The following TFPI variants were observed in gnomAD, a reference collection of about 807,000 sequenced individuals.
TFPI encodes anti-convertin.
TFPI carries 15 observed loss-of-function variants against 34.6 expected under a neutral mutation model. That is an observed-to-expected ratio of 0.43 (90% CI 0.29 to 0.67). TFPI has a LOEUF of 0.67. Ranked by LOEUF, TFPI falls within the 30% of genes least tolerant of loss-of-function variation. TFPI has a pLI of 0.15. For synonymous variants in TFPI, 105 were observed against 120.1 expected (o/e 0.87, Z 0.82); for missense variants, 301 against 364.0 (o/e 0.83, Z 1.41).
chr2:187,518,957 T>A (rs370877070), intron 1 of TFPI: 18 of 152,368 alleles, frequency 1.2e-4, no homozygotes, highest in African/African-American at 4.1e-4. Context: ...TTGTGTATGC[T>A]TCACGAAGTT....
chr2:187,528,016 TAATA>T (rs1687766016), intron 1 of TFPI, among the ~76,000 whole-genome samples: 1 of 152,110 alleles, frequency 6.6e-6, no homozygotes, highest in South Asian at 2.1e-4. Flanking sequence ...CAGGAAAATA[TAATA>T]AATAAATATA....
intron 1 of TFPI, chr2:187,514,312 T>C (rs1686845210): frequency 2.6e-5 from 4 of 152,236 alleles, no homozygotes; most frequent in African/African-American, 4.8e-5. Context: ...GAGGCCCAGA[T>C]TGTCCCCTTT....
At chr2:187,531,405 T>C (rs1190835555) in intron 1 of TFPI, among the ~76,000 whole-genome samples, 4 of 152,212 alleles carry the variant, frequency 2.6e-5, no homozygotes, top group African/African-American at 7.2e-5. Flanking sequence ...ATGTGATGTA[T>C]TTTATCAGCA....
At chr2:187,490,468 AC>A (rs1685042444) in intron 3 of TFPI, among the ~76,000 whole-genome samples, 1 of 151,146 alleles carries the variant, frequency 6.6e-6, no homozygotes, top group Non-Finnish European at 1.5e-5. Flanking sequence ...TTATTAATGG[AC>A]CCCCATTATA....
intron 2 of TFPI, among the ~76,000 whole-genome samples, chr2:187,502,707 C>G (rs908471552): frequency 6.6e-6 from 1 of 152,056 alleles, no homozygotes; most frequent in Non-Finnish European, 1.5e-5. Context: ...CTACTTTATA[C>G]GGAAATAAAC....
intron 6 of TFPI, among the ~76,000 whole-genome samples, chr2:187,472,687 T>G (rs1692115406): frequency 6.6e-6 from 1 of 152,178 alleles, no homozygotes; most frequent in African/African-American, 2.4e-5. Context: ...AATTTGAAGA[T>G]GCACTATTAT....
chr2:187,541,324 A>G (rs550814164), intron 1 of TFPI, among the ~76,000 whole-genome samples: 8 of 152,350 alleles, frequency 5.3e-5, no homozygotes, highest in African/African-American at 1.9e-4. Flanking sequence ...GATTAAAATG[A>G]TAAGGCAAGT....
intron 6 of TFPI, among the ~76,000 whole-genome samples, chr2:187,479,075 G>C (rs901199821): frequency 7.2e-5 from 11 of 152,076 alleles, no homozygotes; most frequent in African/African-American, 2.7e-4. Context: ...AAGATTAGGA[G>C]GGTCAGTCAA....
chr2:187,495,400 T>A (rs1685406789), intron 3 of TFPI, among the ~76,000 whole-genome samples: 1 of 151,976 alleles, frequency 6.6e-6, no homozygotes, highest in Non-Finnish European at 1.5e-5. Context: ...TGGAAGAAAA[T>A]GGGGTATAGA....
intron 1 of TFPI, among the ~76,000 whole-genome samples, chr2:187,548,737 A>G (rs751074150): frequency 2.1e-4 from 32 of 152,068 alleles, no homozygotes; most frequent in Non-Finnish European, 4.6e-4. Flanking sequence ...GAGGGCTCTT[A>G]TTAATATTTG....
At chr2:187,485,574 T>A (rs973304847) in intron 4 of TFPI, among the ~76,000 whole-genome samples, 2 of 151,756 alleles carry the variant, frequency 1.3e-5, no homozygotes, top group African/African-American at 4.8e-5. Context: ...ATTTTTTCCT[T>A]CTTCTTGTCA....
chr2:187,484,783 A>T, intron 5 of TFPI, 28 bp downstream of exon 5: 1 of 1,556,646 alleles, frequency 6.4e-7, no homozygotes. Flanking sequence ...CTATAAATGA[A>T]CTAAAATGAA....
chr2:187,509,786 C>T (rs1228553851), intron 1 of TFPI, among the ~76,000 whole-genome samples: 1 of 152,148 alleles, frequency 6.6e-6, no homozygotes, highest in African/African-American at 2.4e-5. Flanking sequence ...TTTCCTGTCT[C>T]TATCTCCTTC....
chr2:187,489,383 GGT>G (rs3836091), intron 3 of TFPI, among the ~76,000 whole-genome samples: 7 of 149,698 alleles, frequency 4.7e-5, no homozygotes, highest in African/African-American at 9.8e-5. Context: ...TAAAAAAAGA[GGT>G]GTGTGTGTGT....
rs753312273 is a variant in TFPI, at chr2:187,484,794, A to C, written c.535+17T>G. 2 of 1,562,432 alleles carry C rather than the reference A, an allele frequency of 1.3e-6. No homozygotes were observed. The highest frequency in any genetic ancestry group is 1.7e-6 in the Non-Finnish European group (2 of 1,162,486). The stretch of plus-strand genomic sequence containing the variant: ...ATGCCTATAAATGAACTAAAATGAA[A>C]TAAGAAATAAACTTACGACCATCTT... On this transcript the variant is annotated intron_variant, in intron 5 of 7. Coordinates refer to ENST00000233156, the MANE Select transcript of TFPI (RefSeq NM_006287.6).
chr2:187,519,030 G>A (rs1687194806), intron 1 of TFPI: 1 of 152,054 alleles, frequency 6.6e-6, no homozygotes, highest in African/African-American at 2.4e-5. Flanking sequence ...GGTTATTCTA[G>A]TTAGCAATTT....
chr2:187,508,279 G>A (rs538178621), intron 1 of TFPI, among the ~76,000 whole-genome samples: 3 of 152,256 alleles, frequency 2.0e-5, no homozygotes, highest in South Asian at 4.1e-4. Context: ...GCTTAGGATT[G>A]CCTTGGCTAT....
At chr2:187,492,702 T>A (rs1489822893) in intron 3 of TFPI, among the ~76,000 whole-genome samples, 10 of 152,168 alleles carry the variant, frequency 6.6e-5, no homozygotes, top group Non-Finnish European at 1.5e-4. Context: ...TGGACTTCCA[T>A]GGGGCCTGTA....
At position 187,496,871 on chromosome 2, in the gene TFPI, A is replaced by G. The variant is rs8176450; in HGVS notation, c.319+10T>C. On this transcript the variant is annotated intron_variant, in intron 3 of 7. Transcript: ENST00000233156. ...AGGGTCTTGAGTAATAAGGGTTCCC[A>G]GAAACCTACCTCTTGTACACATTTT... 4,654 of 1,612,132 alleles carry G rather than the reference A, an allele frequency of 2.9e-3. 123 individuals carry two copies. The African/African-American group carries it at 0.056, about 19-fold the overall frequency.
Sources: allele counts gnomAD v4.1 joint callset (sites outside exome capture counted in the v4.1 genomes callset), GRCh38; gene constraint gnomAD v4.1.1; transcripts MANE v1.5; gene names NCBI Gene and HGNC (gene_info 2026-07-23, HGNC 2026-07-21).